FANK1: variants seen among roughly 807,000 people sequenced by gnomAD.
The protein encoded by FANK1 is fibronectin type III and ankyrin repeat domains 1, also known as fibronectin type 3 and ankyrin repeat domains protein 1.
A neutral mutation model predicts 45.3 loss-of-function variants in FANK1; 44 were observed. The observed-to-expected ratio is 0.97, with a 90% CI of 0.76 to 1.25. The LOEUF is 1.25. Among genes scored for constraint, FANK1 ranks in the 50% most tolerant of loss-of-function variants. The probability of loss-of-function intolerance (pLI) is 0.00; values close to 1 mark genes in which losing one functional copy is unlikely to be tolerated. For synonymous variants in FANK1, 149 were observed against 152.5 expected, an observed-to-expected ratio of 0.98 and a Z score of 0.17; for missense variants, 391 against 424.4, an observed-to-expected ratio of 0.92 and a Z score of 0.69.
At chr10:125,951,172 A>C (rs1163852532) in intron 1 of FANK1, among the ~76,000 whole-genome samples, 2 of 151,196 alleles carry the variant, frequency 1.3e-5, no homozygotes, top group Admixed American at 6.6e-5. Context: ...GCAGCGCACC[A>C]GCATGGCACA....
At chr10:126,004,677 G>T in intron 6 of FANK1, 1 of 540,388 alleles carries the variant, frequency 1.9e-6, no homozygotes, top group Non-Finnish European at 3.3e-6. Flanking sequence ...ATGCATGTTT[G>T]TAGCACTTCA....
intron 1 of FANK1, among the ~76,000 whole-genome samples, chr10:125,919,713 C>T (rs180998634): frequency 1.3e-3 from 200 of 152,216 alleles, no homozygotes; most frequent in Admixed American, 4.1e-3. Context: ...GGGGTGGAAA[C>T]GCAGCTGACC....
intron 1 of FANK1, among the ~76,000 whole-genome samples, chr10:125,929,081 G>A (rs1486501654): frequency 6.6e-6 from 1 of 152,222 alleles, no homozygotes; most frequent in Non-Finnish European, 1.5e-5. Context: ...GTGGCATACA[G>A]CCTGATGATG....
At position 125,980,200 on chromosome 10, in the gene FANK1, G is replaced by A. The variant is rs762649163; in HGVS notation, c.53G>A (p.Gly18Asp). Residue 18 changes from glycine (G) to aspartate (D), a missense_variant, in exon 2 of 11, where the codon GGC (glycine) becomes GAC (aspartate). Physicochemically the swap from Gly to Asp is moderately conservative, Grantham distance 94 (BLOSUM62 -1). Transcript: ENST00000368693. ...TCAAAGCCTCATCCACCTGTCGTGG[G>A]CAAAGTGACTCATCACAGCATTGAA... ...PPSKPHPPVV[G>D]KVTHHSIELY... 3 of 1,613,754 alleles carry A rather than the reference G, an allele frequency of 1.9e-6. No homozygotes were observed. The highest frequency in any genetic ancestry group is 8.5e-7 in the Non-Finnish European group (1 of 1,179,980).
chr10:125,945,798 G>A (rs1408183182), intron 1 of FANK1, among the ~76,000 whole-genome samples: 3 of 152,232 alleles, frequency 2.0e-5, no homozygotes, highest in Non-Finnish European at 4.4e-5. Context: ...TCTGGGGGCA[G>A]GGCACAGACA....
At chr10:125,901,159 G>C (rs1359974770) in intron 1 of FANK1, among the ~76,000 whole-genome samples, 5 of 152,046 alleles carry the variant, frequency 3.3e-5, no homozygotes, top group Non-Finnish European at 7.4e-5. Context: ...AGAAACTGAG[G>C]TGAATGACTA....
chr10:126,000,151 G>A (rs576608711), intron 6 of FANK1, among the ~76,000 whole-genome samples: 1 of 152,330 alleles, frequency 6.6e-6, no homozygotes, highest in Admixed American at 6.5e-5. Context: ...TCATATGCCA[G>A]AATGGCAAGA....
chr10:125,953,770 G>A (rs1439392986), intron 1 of FANK1, among the ~76,000 whole-genome samples: 1 of 152,136 alleles, frequency 6.6e-6, no homozygotes, highest in African/African-American at 2.4e-5. Context: ...TTGGGTTCAG[G>A]TCCTGGCCCT....
chr10:125,970,704 C>CT (rs374537728), intron 1 of FANK1, among the ~76,000 whole-genome samples: 16 of 152,190 alleles, frequency 1.1e-4, no homozygotes, highest in African/African-American at 3.1e-4. Flanking sequence ...ATCCCAGGCA[C>CT]TCGGCAGGCT....
At chr10:125,986,527 C>G (rs1483534432) in intron 2 of FANK1, among the ~76,000 whole-genome samples, 1 of 152,160 alleles carries the variant, frequency 6.6e-6, no homozygotes, top group Non-Finnish European at 1.5e-5. Flanking sequence ...GCACCTCTTT[C>G]CTGGACGTGC....
chr10:125,988,543 C>T lies in FANK1; in HGVS notation c.192-8C>T. On this transcript the variant is annotated splice_region_variant and splice_polypyrimidine_tract_variant and intron_variant, in intron 2 of 10. Coordinates refer to ENST00000368693, the MANE Select transcript of FANK1 (RefSeq NM_145235.5). ...GTGTTATCAGCATGTTTGTCTCCTC[C>T]TGTCTAGGGGATATGCAACGAAGCA... The T allele has an allele frequency of 6.2e-7, 1 of 1,612,846 alleles. No individual in the cohort carries two copies. The highest frequency in any genetic ancestry group is 8.5e-7 in the Non-Finnish European group (1 of 1,179,080).
chr10:125,987,403 A>AG (rs1347910036), intron 2 of FANK1, among the ~76,000 whole-genome samples: 2 of 151,324 alleles, frequency 1.3e-5, no homozygotes, highest in Non-Finnish European at 2.9e-5. Context: ...AACTAGAGAC[A>AG]GGAAAAAACA....
At chr10:126,008,698 G>A (rs1295054652) in intron 8 of FANK1, 148 bp downstream of exon 8, 1 of 919,968 alleles carries the variant, frequency 1.1e-6, no homozygotes, top group Non-Finnish European at 1.6e-6. Flanking sequence ...TTGTTCATAA[G>A]GGCATGAGGC....
intron 1 of FANK1, among the ~76,000 whole-genome samples, chr10:125,954,997 C>G (rs1949488249): frequency 6.6e-6 from 1 of 151,930 alleles, no homozygotes; most frequent in Admixed American, 6.6e-5. Context: ...TTTAAAAGAA[C>G]AACTGCCGAC....
At chr10:125,985,931 G>A (rs1326060357) in intron 2 of FANK1, among the ~76,000 whole-genome samples, 1 of 151,886 alleles carries the variant, frequency 6.6e-6, no homozygotes, top group Non-Finnish European at 1.5e-5. Flanking sequence ...CTCTAACAGG[G>A]AAGTTGAGCT....
rs11318152 is a variant in FANK1 at position 125,938,294 on chromosome 10, TAA to T, written c.13+41648_13+41649del. ...GGAGTGAATAGTATGAATTTATGAT[TAA>T]AAAAAAAATCCTGACTGTCCACTGA... On this transcript the variant is annotated intron_variant, in intron 1 of 10. Transcript: ENST00000368693. Among the ~76,000 whole-genome samples the T allele has an allele frequency of 7.0e-4, 106 of 151,638 alleles. 6 individuals carry two copies. The highest frequency in any genetic ancestry group is 1.9e-4 in the East Asian group (1 of 5,142).
At chr10:125,993,764 A>C (rs1952104223) in intron 3 of FANK1, among the ~76,000 whole-genome samples, 1 of 152,226 alleles carries the variant, frequency 6.6e-6, no homozygotes, top group Admixed American at 6.5e-5. Flanking sequence ...AAAAATGTGT[A>C]GAATGATGAA....
chr10:125,948,801 CAG>C (rs1395434327), intron 1 of FANK1, among the ~76,000 whole-genome samples: 4 of 150,072 alleles, frequency 2.7e-5, no homozygotes, highest in Non-Finnish European at 6.0e-5. Flanking sequence ...CAAAGCCAGG[CAG>C]AGACACAACC....
intron 1 of FANK1, among the ~76,000 whole-genome samples, chr10:125,974,196 G>C (rs2134194771): frequency 6.6e-6 from 1 of 152,260 alleles, no homozygotes; most frequent in South Asian, 2.1e-4. Flanking sequence ...AAGTGAGCTT[G>C]CAGGCTGCCT....
Sources: gnomAD v4.1 joint callset for allele counts (sites outside exome capture counted in the v4.1 genomes callset) on GRCh38, gnomAD v4.1.1 for gene constraint, MANE v1.5 for transcripts, NCBI Gene and HGNC (gene_info 2026-07-23, HGNC 2026-07-21) for gene names.